The following ANO2 variants were observed in gnomAD, a reference collection of about 807,000 sequenced individuals.
ANO2 encodes the protein anoctamin-2.
Under a neutral mutation model 124.2 loss-of-function variants are expected in ANO2, and 101 were observed. The observed-to-expected ratio is 0.81, with a 90% CI of 0.69 to 0.96. ANO2 has a LOEUF of 0.96. ANO2 is among the 40% of genes least tolerant of loss of function. ANO2 has a pLI of 0.00. For missense variants in ANO2, 1,293 were observed against 1,274.5 expected, an observed-to-expected ratio of 1.01 and a Z score of -0.22; for synonymous variants, 486 against 482.5, an observed-to-expected ratio of 1.01 and a Z score of -0.09.
At chr12:5,616,202 T>C (rs996492006) in intron 16 of ANO2, among the ~76,000 whole-genome samples, 1 of 152,178 alleles carries the variant, frequency 6.6e-6, no homozygotes, top group African/African-American at 2.4e-5. Flanking sequence ...AAACTGAGTG[T>C]TCAAGAAAAC....
At chr12:5,606,708 C>A (rs1944237262) in intron 19 of ANO2, among the ~76,000 whole-genome samples, 1 of 152,084 alleles carries the variant, frequency 6.6e-6, no homozygotes. Context: ...AAGAAGCCTG[C>A]TAGATTGTAA....
chr12:5,775,139 T>G (rs1246361238), intron 10 of ANO2, among the ~76,000 whole-genome samples: 2 of 152,232 alleles, frequency 1.3e-5, no homozygotes, highest in African/African-American at 4.8e-5. Flanking sequence ...CGAGTCTATT[T>G]TGAGAGCCTC....
At chr12:5,601,940 GA>G (rs775728378) in intron 19 of ANO2, among the ~76,000 whole-genome samples, 1 of 152,194 alleles carries the variant, frequency 6.6e-6, no homozygotes, top group Non-Finnish European at 1.5e-5. Flanking sequence ...GTAAATCTCA[GA>G]AAGGCTCAGG....
intron 1 of ANO2, among the ~76,000 whole-genome samples, chr12:5,941,668 T>TAA (rs58071581): frequency 9.6e-5 from 14 of 145,966 alleles, no homozygotes; most frequent in East Asian, 3.9e-4. Context: ...AAACTCAAGT[T>TAA]AAAAAAAAAA....
At chr12:5,616,600 T>C (rs1006465173) in intron 16 of ANO2, among the ~76,000 whole-genome samples, 1 of 152,136 alleles carries the variant, frequency 6.6e-6, no homozygotes, top group Non-Finnish European at 1.5e-5. Flanking sequence ...CACAGATACA[T>C]GACAACAGGG....
chr12:5,924,314 G>A (rs1185574158), intron 1 of ANO2, among the ~76,000 whole-genome samples: 3 of 152,214 alleles, frequency 2.0e-5, no homozygotes, highest in Non-Finnish European at 4.4e-5. Flanking sequence ...TGACATGCAG[G>A]AAACACAACT....
At chr12:5,847,983 G>T (rs556915929) in intron 4 of ANO2, among the ~76,000 whole-genome samples, 111 of 152,248 alleles carry the variant, frequency 7.3e-4, no homozygotes, top group African/African-American at 2.6e-3. Flanking sequence ...TGCTCGAACC[G>T]TTATCTTTGA....
At chr12:5,683,015 T>C (rs1948563033) in intron 14 of ANO2, among the ~76,000 whole-genome samples, 1 of 152,114 alleles carries the variant, frequency 6.6e-6, no homozygotes, top group Admixed American at 6.5e-5. Flanking sequence ...CTGGGGACTG[T>C]GATGATGTCA....
At chr12:5,796,712 G>A (rs561671674) in intron 10 of ANO2, among the ~76,000 whole-genome samples, 20 of 152,326 alleles carry the variant, frequency 1.3e-4, no homozygotes, top group African/African-American at 4.8e-4. Context: ...TGGAGGCAGG[G>A]GCCAGGGGTG....
intron 3 of ANO2, among the ~76,000 whole-genome samples, chr12:5,891,691 A>G (rs919364834): frequency 3.9e-5 from 6 of 152,176 alleles, no homozygotes; most frequent in Non-Finnish European, 8.8e-5. Context: ...CCAGGTCTCA[A>G]CCTGGCCACT....
At chr12:5,809,195 G>T (rs1005008453) in intron 7 of ANO2, among the ~76,000 whole-genome samples, 1 of 152,136 alleles carries the variant, frequency 6.6e-6, no homozygotes, top group Non-Finnish European at 1.5e-5. Flanking sequence ...TGACTCACAA[G>T]ACTACAATTT....
intron 10 of ANO2, among the ~76,000 whole-genome samples, chr12:5,778,490 C>T (rs76236287): frequency 0.047 from 7,170 of 152,240 alleles, 532 homozygotes; most frequent in African/African-American, 0.16. Context: ...GGTCTTGCTG[C>T]TGATGTTTAT....
At chr12:5,928,563 C>T (rs1328070155) in intron 1 of ANO2, among the ~76,000 whole-genome samples, 1 of 151,238 alleles carries the variant, frequency 6.6e-6, no homozygotes, top group African/African-American at 2.4e-5. Context: ...TTATTAGTCA[C>T]TTTCTTACCA....
At chr12:5,772,626 G>A (rs1952116538) in intron 10 of ANO2, among the ~76,000 whole-genome samples, 1 of 151,976 alleles carries the variant, frequency 6.6e-6, no homozygotes, top group African/African-American at 2.4e-5. Flanking sequence ...GTATTTGTTG[G>A]AACATCTTGT....
At chr12:5,803,265 C>G (rs1007160563) in intron 9 of ANO2, among the ~76,000 whole-genome samples, 2 of 152,208 alleles carry the variant, frequency 1.3e-5, no homozygotes, top group Non-Finnish European at 2.9e-5. Context: ...GTCTCAGCGT[C>G]TCCACACAGT....
At chr12:5,670,641 C>T (rs1217534158) in intron 14 of ANO2, among the ~76,000 whole-genome samples, 1 of 152,076 alleles carries the variant, frequency 6.6e-6, no homozygotes, top group African/African-American at 2.4e-5. Flanking sequence ...GCCAGTTAAT[C>T]CTCCCACCAC....
At chr12:5,795,609 A>G (rs894640058) in intron 10 of ANO2, among the ~76,000 whole-genome samples, 9 of 152,228 alleles carry the variant, frequency 5.9e-5, no homozygotes, top group Non-Finnish European at 1.3e-4. Flanking sequence ...CTGCTTTAGA[A>G]TAAACTTTTT....
At chr12:5,804,369 A>C (rs760265177) in intron 9 of ANO2, among the ~76,000 whole-genome samples, 1 of 152,146 alleles carries the variant, frequency 6.6e-6, no homozygotes, top group Non-Finnish European at 1.5e-5. Flanking sequence ...TTTAGTCCTG[A>C]CTTCACGAAC....
At chr12:5,806,543 C>T (rs1299447674) in intron 8 of ANO2, among the ~76,000 whole-genome samples, 1 of 152,254 alleles carries the variant, frequency 6.6e-6, no homozygotes, top group African/African-American at 2.4e-5. Flanking sequence ...CCCACCTCAG[C>T]AGTCTCAAAT....
Sources: gnomAD v4.1 joint callset for allele counts (sites outside exome capture counted in the v4.1 genomes callset) on GRCh38, gnomAD v4.1.1 for gene constraint, MANE v1.5 for transcripts, NCBI Gene and HGNC (gene_info 2026-07-23, HGNC 2026-07-21) for gene names.